The following SAMMSON variants were observed in gnomAD, a reference collection of about 807,000 sequenced individuals.
The protein encoded by SAMMSON is long intergenic non-protein coding RNA 1212.
At chr3:70,104,674 T>C (rs1376684791) in intron 4 of SAMMSON, among the ~76,000 whole-genome samples, 1 of 152,120 alleles carries the variant, frequency 6.6e-6, no homozygotes, top group Admixed American at 6.5e-5. Flanking sequence ...AATGCAAAAC[T>C]GTCATAAGTT....
chr3:70,148,577 G>C (rs1353283763), intron 4 of SAMMSON, among the ~76,000 whole-genome samples: 8 of 152,076 alleles, frequency 5.3e-5, no homozygotes, highest in African/African-American at 1.7e-4. Flanking sequence ...AAGGCCTCAG[G>C]CTGCTTCCAC....
At chr3:70,329,622 A>C (rs1374502393) in intron 7 of SAMMSON, among the ~76,000 whole-genome samples, 3 of 152,032 alleles carry the variant, frequency 2.0e-5, no homozygotes, top group African/African-American at 7.2e-5. Context: ...TATCCTGGAG[A>C]AACTAGAAAA....
chr3:70,238,372 G>A (rs1365827640), intron 4 of SAMMSON, among the ~76,000 whole-genome samples: 1 of 152,020 alleles, frequency 6.6e-6, no homozygotes, highest in African/African-American at 2.4e-5. Context: ...TTTTGGGGAG[G>A]CTGAGGCAAG....
At chr3:70,110,119 A>G (rs1009886734) in intron 4 of SAMMSON, among the ~76,000 whole-genome samples, 5 of 152,156 alleles carry the variant, frequency 3.3e-5, no homozygotes, top group Non-Finnish European at 7.4e-5. Flanking sequence ...GGAAGTGGAG[A>G]TACACAGAAA....
chr3:70,191,204 A>C (rs1457692655), intron 4 of SAMMSON, among the ~76,000 whole-genome samples: 2 of 152,246 alleles, frequency 1.3e-5, no homozygotes, highest in Non-Finnish European at 2.9e-5. Context: ...TGTATCCACA[A>C]AATAAGTTGT....
At position 70,398,436 on chromosome 3, in the gene SAMMSON, A is replaced by G. The variant is rs150432531; in HGVS notation, n.233+40112A>G. On this transcript the variant is annotated intron_variant and non_coding_transcript_variant, in intron 2 of 3. Transcript: ENST00000641053. ...CTGGTTTCTTAAACAAATCAGCATA[A>G]AAATTTCTAAAGCACTGTATTCTTT... Among the ~76,000 whole-genome samples the G allele has an allele frequency of 6.4e-3, 969 of 152,328 alleles. 10 individuals carry two copies. The highest frequency in any genetic ancestry group is 0.023 in the African/African-American group (947 of 41,586).
chr3:70,089,296 C>T (rs1372139580), intron 4 of SAMMSON, among the ~76,000 whole-genome samples: 1 of 152,090 alleles, frequency 6.6e-6, no homozygotes, highest in East Asian at 1.9e-4. Context: ...AATGAATGTA[C>T]ACTATGAGTA....
intron 6 of SAMMSON, chr3:70,271,986 C>G (rs1162174778): frequency 6.6e-6 from 1 of 152,282 alleles, no homozygotes; most frequent in Admixed American, 6.5e-5. Context: ...TGATCTTTAA[C>G]TCTGAACTTC....
chr3:70,131,387 A>G (rs62251272), intron 4 of SAMMSON, among the ~76,000 whole-genome samples: 6,647 of 152,264 alleles, frequency 0.044, 184 homozygotes, highest in Admixed American at 0.066. Context: ...CCCCAACCCC[A>G]TGAGGTTTTC....
chr3:70,202,714 C>T (rs79978222), intron 4 of SAMMSON, among the ~76,000 whole-genome samples: 2,144 of 152,200 alleles, frequency 0.014, 59 homozygotes, highest in African/African-American at 0.049. Context: ...GGCTTCATTT[C>T]CTTTCTACAC....
At chr3:70,079,059 G>C (rs1382056680) in intron 4 of SAMMSON, among the ~76,000 whole-genome samples, 1 of 152,136 alleles carries the variant, frequency 6.6e-6, no homozygotes, top group Non-Finnish European at 1.5e-5. Flanking sequence ...TTGAGTAGTT[G>C]CAACAGAGAC....
At chr3:70,183,753 CT>C (rs1211646516) in intron 4 of SAMMSON, 1 of 152,168 alleles carries the variant, frequency 6.6e-6, no homozygotes, top group East Asian at 1.9e-4. Context: ...TGACCCTCTT[CT>C]ATCCTTATGA....
chr3:70,097,074 T>A (rs2067325418), intron 4 of SAMMSON, among the ~76,000 whole-genome samples: 1 of 152,230 alleles, frequency 6.6e-6, no homozygotes, highest in Non-Finnish European at 1.5e-5. Context: ...ATCTGGGAAA[T>A]GCTGACCCAT....
chr3:70,285,663 C>T (rs1313284075), intron 6 of SAMMSON, among the ~76,000 whole-genome samples: 5 of 150,532 alleles, frequency 3.3e-5, no homozygotes, highest in African/African-American at 1.2e-4. Context: ...AACTAGTTTA[C>T]AGTCCCACCA....
intron 7 of SAMMSON, among the ~76,000 whole-genome samples, chr3:70,309,521 G>T (rs927747306): frequency 1.3e-5 from 2 of 152,124 alleles, no homozygotes; most frequent in Non-Finnish European, 2.9e-5. Flanking sequence ...GGAAATTGAG[G>T]CTCAGGGAGA....
intron 6 of SAMMSON, among the ~76,000 whole-genome samples, chr3:70,264,823 CG>C (rs1430079317): frequency 1.3e-5 from 2 of 151,918 alleles, no homozygotes; most frequent in Admixed American, 6.6e-5. Context: ...GTAGGGACAT[CG>C]GGGATGTATT....
At chr3:70,255,429 T>G (rs932435192) in intron 6 of SAMMSON, among the ~76,000 whole-genome samples, 1 of 152,190 alleles carries the variant, frequency 6.6e-6, no homozygotes, top group Non-Finnish European at 1.5e-5. Context: ...TCAGTAATTT[T>G]TTTTTCTTCT....
intron 4 of SAMMSON, among the ~76,000 whole-genome samples, chr3:70,088,226 C>A (rs1451032010): frequency 6.6e-6 from 1 of 152,146 alleles, no homozygotes; most frequent in African/African-American, 2.4e-5. Flanking sequence ...CAACAATAAG[C>A]TTAGGTTGCA....
At chr3:70,294,445 C>G (rs528691508) in intron 7 of SAMMSON, among the ~76,000 whole-genome samples, 32 of 151,974 alleles carry the variant, frequency 2.1e-4, no homozygotes, top group African/African-American at 7.7e-4. Context: ...AATAAGAAAC[C>G]ATATATTCCC....
Sources: allele counts gnomAD v4.1 joint callset (sites outside exome capture counted in the v4.1 genomes callset), GRCh38; gene constraint gnomAD v4.1.1; transcripts MANE v1.5; gene names NCBI Gene and HGNC (gene_info 2026-07-23, HGNC 2026-07-21).